Variants in FBN3 observed in about 807,000 individuals in gnomAD.
FBN3 encodes fibrillin 3.
Under a neutral mutation model 330.1 loss-of-function variants are expected in FBN3, and 234 were observed. The observed-to-expected ratio is 0.71, with a 90% CI of 0.64 to 0.79. FBN3 has a LOEUF of 0.79. FBN3 is among the 30% of genes least tolerant of loss of function. The pLI is 0.00. For synonymous variants in FBN3, 1,458 were observed against 1,517.3 expected, an observed-to-expected ratio of 0.96 and a Z score of 0.91; for missense variants, 3,606 against 3,886.9, an observed-to-expected ratio of 0.93 and a Z score of 1.92.
intron 30 of FBN3, among the ~76,000 whole-genome samples, chr19:8,114,989 C>T (rs1311061101): frequency 6.6e-6 from 1 of 152,154 alleles, no homozygotes; most frequent in Non-Finnish European, 1.5e-5. Context: ...CTGCCCCAGC[C>T]TCCCGAGTAG....
rs115834286 is a variant in FBN3, at chr19:8,096,165, C to T, written c.5540-85G>A. On this transcript the variant is annotated intron_variant, in intron 44 of 63. Transcript: ENST00000600128. The surrounding 1 kb of genome is among the most constrained non-coding windows in gnomAD (Gnocchi z 4.6). ...AGTGAGAGGCCAGCTGGACCTAGCA[C>T]TCCTCCCCTGCACCTAGCCCTGCCT... 3.8e-3 allele frequency: 4,036 copies of T among 1,054,878 alleles called. 75 individuals are homozygous for T. The African/African-American group carries it at 0.045, about 12-fold the overall frequency. The allele number at this position is 1,054,878 out of a possible 1,614,324, so 65.3% of individuals were successfully genotyped here. A position where few individuals can be genotyped will look rare whatever the true frequency, so the allele number is the denominator to read the frequency against.
intron 22 of FBN3, 33 bp downstream of exon 22, chr19:8,125,859 G>T (rs1481859276): frequency 6.3e-7 from 1 of 1,575,666 alleles, no homozygotes; most frequent in East Asian, 2.3e-5. Context: ...GGAAGAACGT[G>T]TGGCCCTGTA....
intron 6 of FBN3, among the ~76,000 whole-genome samples, chr19:8,143,497 C>CTTTTCT (rs2083460965): frequency 7.9e-6 from 1 of 126,100 alleles, no homozygotes; most frequent in African/African-American, 3.1e-5. Flanking sequence ...CTTTTCTTTT[C>CTTTTCT]TTTTTTTTTT....
chr19:8,072,884 G>A (rs1332167570), intron 62 of FBN3, among the ~76,000 whole-genome samples, 179 bp downstream of exon 62: 1 of 151,570 alleles, frequency 6.6e-6, no homozygotes, highest in East Asian at 1.9e-4. Context: ...GCGTGTCCAG[G>A]ACTCTGTGCA....
chr19:8,102,525 T>G (rs565160218), intron 40 of FBN3, among the ~76,000 whole-genome samples, 199 bp downstream of exon 40: 1 of 152,260 alleles, frequency 6.6e-6, no homozygotes, highest in South Asian at 2.1e-4. Flanking sequence ...GCCAAACCTC[T>G]TTTTCTTTAT....
At chr19:8,107,866 G>A (rs2082483378) in intron 37 of FBN3, among the ~76,000 whole-genome samples, 1 of 151,660 alleles carries the variant, frequency 6.6e-6, no homozygotes, top group Non-Finnish European at 1.5e-5. Context: ...AAGGATGGAT[G>A]AATGGATGGA....
In FBN3 at chr19:8,129,366, C is replaced by G. The variant is rs1426828083; in HGVS notation, c.2045-1G>C. On this transcript the variant is annotated splice_acceptor_variant, in intron 16 of 63. Coordinates refer to ENST00000600128, the MANE Select transcript of FBN3 (RefSeq NM_032447.5). LOFTEE classifies it high-confidence loss of function. The surrounding 1 kb of genome is among the most constrained non-coding windows in gnomAD (Gnocchi z 4.5). ...GGATCCAGAGCACACTCGTTGATGTCTGCGGCAGGAGGAGGGTGTGTCAGC... is the reference window on the plus strand; with the variant it reads ...GGATCCAGAGCACACTCGTTGATGTGTGCGGCAGGAGGAGGGTGTGTCAGC... 5.6e-6 allele frequency: 9 copies of G among 1,613,732 alleles called. No individual in the cohort carries two copies. The Admixed American group carries it at 1.5e-4, about 27-fold the overall frequency.
chr19:8,118,726 TAC>T (rs1599384513), intron 26 of FBN3, among the ~76,000 whole-genome samples, 169 bp downstream of exon 26: 2 of 151,936 alleles, frequency 1.3e-5, no homozygotes, highest in East Asian at 3.9e-4. Flanking sequence ...TAAACCCACT[TAC>T]ACACACAGAT....
rs1238168126 is a variant in FBN3, at chr19:8,067,127, TTC to T, written c.8089-869_8089-868del. Among the ~76,000 whole-genome samples, 52 of 150,142 alleles carry T rather than the reference TTC, an allele frequency of 3.5e-4. 2 individuals carry two copies. Among genetic ancestry groups the T allele is most frequent in the Admixed American group, 9.3e-4 (14 of 15,078 alleles). On this transcript the variant is annotated intron_variant, in intron 63 of 63. Coordinates refer to ENST00000600128, the MANE Select transcript of FBN3 (RefSeq NM_032447.5). ...AGGATTTCTTTGTTTCTTCTTCTTT[TTC>T]TTTTTTTTTTTTTTTTGAGATGGAG...
chr19:8,095,989 C>T lies in FBN3; in HGVS notation c.5631G>A (p.Val1877=). The change falls in exon 45 of 64, where the codon GTG becomes GTA. Residue 1877 remains valine, a synonymous_variant. Transcript: ENST00000600128. ...CCACACAATCCCCATTGTGTGTCACCACAAAGCCAGGGAAGCAGAGGCAGT... is the reference window on the plus strand; with the variant it reads ...CCACACAATCCCCATTGTGTGTCACTACAAAGCCAGGGAAGCAGAGGCAGT... The part of the protein sequence containing the change: ...SYNCLCFPGF[V]VTHNGDCVDF... 6.2e-7 allele frequency: 1 copy of T among 1,613,698 alleles called. No individual in the cohort carries two copies. The highest frequency in any genetic ancestry group is 1.3e-5 in the African/African-American group (1 of 75,040).
chr19:8,143,804 T>G lies in FBN3; in HGVS notation c.541+1073A>C, dbSNP rs550651068. On this transcript the variant is annotated intron_variant, in intron 6 of 63. Transcript: ENST00000600128. ...CACAGTGCCTGGCCTCTTTTCTTTCTTTCTTTCTTTCTTTCTTTTTTTTTT... is the reference window on the plus strand; with the variant it reads ...CACAGTGCCTGGCCTCTTTTCTTTCGTTCTTTCTTTCTTTCTTTTTTTTTT... 2.8e-4 allele frequency among the ~76,000 whole-genome samples: 33 copies of G among 119,160 alleles called. No individual in the cohort carries two copies. In the Admixed American group the frequency reaches 2.8e-3, roughly 10 times the overall value. 78.2% of individuals were successfully genotyped at this position (119,160 alleles called of 152,430 possible).
chr19:8,138,877 T>C (rs190034657), intron 8 of FBN3, among the ~76,000 whole-genome samples: 15 of 152,146 alleles, frequency 9.9e-5, no homozygotes, highest in East Asian at 3.9e-4. Context: ...CGAAACCTCA[T>C]GTCTACTAAA....
Position 8,141,998 on chromosome 19 carries a change from T to C in FBN3, c.681A>G (p.Ala227=). ...AWGLPCELCP[A]QPHPCRRGFI... ...AGCCGCGGCGGCAGGGGTGTGGCTG[T>C]GCAGGGCAAAGTTCACATGGAAGGC... The change falls in exon 7 of 64, where the codon GCA becomes GCG. Residue 227 remains alanine (A), a synonymous_variant. Coordinates refer to ENST00000600128, the MANE Select transcript of FBN3 (RefSeq NM_032447.5). The C allele has an allele frequency of 6.2e-7, 1 of 1,614,130 alleles. No homozygotes were observed.
Position 8,108,241 on chromosome 19 carries a change from G to A in FBN3, c.4619-3C>T, listed in dbSNP as rs754489507. The A allele has an allele frequency of 8.7e-6, 14 of 1,606,610 alleles. No individual in the cohort carries two copies. In the South Asian group the frequency reaches 1.4e-4, roughly 17 times the overall value. ...CGGGCACAGGGTTCTGTACTCAGCTGTAAAGGGAAACAGGCTCCTGTGAGG... is the reference window on the plus strand; with the variant it reads ...CGGGCACAGGGTTCTGTACTCAGCTATAAAGGGAAACAGGCTCCTGTGAGG... On this transcript the variant is annotated splice_region_variant and splice_polypyrimidine_tract_variant and intron_variant, in intron 36 of 63. Coordinates refer to ENST00000600128, the MANE Select transcript of FBN3 (RefSeq NM_032447.5).
chr19:8,127,950 G>C (rs563628030), intron 18 of FBN3, among the ~76,000 whole-genome samples: 1 of 152,154 alleles, frequency 6.6e-6, no homozygotes, highest in Non-Finnish European at 1.5e-5. Flanking sequence ...GCAGTGAGCC[G>C]AGATCGCCCC....
intron 47 of FBN3, 104 bp from the exon 48 acceptor site, chr19:8,091,694 A>T: frequency 6.8e-6 from 9 of 1,315,782 alleles, no homozygotes; most frequent in Non-Finnish European, 9.5e-6. Flanking sequence ...AGGTCCAGCC[A>T]GGGGCTGCAG....
At chr19:8,078,057 G>A (rs1391189897) in intron 59 of FBN3, among the ~76,000 whole-genome samples, 1 of 152,116 alleles carries the variant, frequency 6.6e-6, no homozygotes, top group East Asian at 1.9e-4. Context: ...CAGCCTGGGC[G>A]ACAGAGCAAG....
chr19:8,142,046 A>C lies in FBN3; in HGVS notation c.633T>G (p.Cys211Trp). Residue 211 changes from cysteine (C) to tryptophan (W), a missense_variant, in exon 7 of 64, where the codon TGT (cysteine) becomes TGG (tryptophan). By Grantham distance (215) the Cys-to-Trp change is radical. Transcript: ENST00000600128. ...GGCCCCAGGCACGGCCCACAGTGGC[A>C]CAGCAAAGTGCCTTGGTGCACACGA... Reference protein sequence around the residue: ...TGLVCTKALCCATVGRAWGLP... With the variant: ...TGLVCTKALCWATVGRAWGLP... The C allele has an allele frequency of 1.9e-6, 3 of 1,614,146 alleles. No homozygotes were observed. Among genetic ancestry groups the C allele is most frequent in the Non-Finnish European group, 2.5e-6 (3 of 1,180,018 alleles).
chr19:8,129,306 G>T lies in FBN3; in HGVS notation c.2104C>A (p.Arg702=). The part of the protein sequence containing the change: ...VCANGVCENL[R]GSYRCVCNLG... ...TTGCAGACACAGCGGTAGCTGCCCC[G>T]AAGGTTCTCGCACACGCCATTGGCA... The change falls in exon 17 of 64, where the codon CGG becomes AGG. Residue 702 remains arginine (R), a synonymous_variant. Transcript: ENST00000600128. The surrounding 1 kb of genome is among the most constrained non-coding windows in gnomAD (Gnocchi z 4.5). 6.2e-7 allele frequency: 1 copy of T among 1,614,164 alleles called. No homozygotes were observed. The highest frequency in any genetic ancestry group is 1.1e-5 in the South Asian group (1 of 91,076).
Sources: allele counts gnomAD v4.1 joint callset (sites outside exome capture counted in the v4.1 genomes callset), GRCh38; gene constraint gnomAD v4.1.1; non-coding constraint Gnocchi (gnomAD v3.1); transcripts MANE v1.5; gene names NCBI Gene and HGNC (gene_info 2026-07-23, HGNC 2026-07-21).